The following CHRM3 variants were observed in gnomAD, a reference collection of about 807,000 sequenced individuals.
The protein encoded by CHRM3 is muscarinic acetylcholine receptor M3.
CHRM3 carries 11 observed loss-of-function variants against 41.8 expected under a neutral mutation model. The ratio of observed to expected loss-of-function variants is 0.26; its 90% CI spans 0.17 to 0.44. The LOEUF (loss-of-function observed/expected upper bound fraction) is 0.44. Ranked by LOEUF, CHRM3 falls within the 20% of genes least tolerant of loss-of-function variation. The pLI is 1.00. For synonymous variants in CHRM3, 297 were observed against 301.4 expected (o/e 0.99, Z 0.15); for missense variants, 571 against 745.4 (o/e 0.77, Z 2.72).
chr1:239,764,096 A>AG, intron 5 of CHRM3, among the ~76,000 whole-genome samples: 1 of 152,158 alleles, frequency 6.6e-6, no homozygotes, highest in East Asian at 1.9e-4. Flanking sequence ...AAAAAAAAAA[A>AG]AAAATCCTCA....
intron 1 of CHRM3, among the ~76,000 whole-genome samples, chr1:239,491,079 T>C (rs778272337): frequency 7.9e-5 from 12 of 152,160 alleles, no homozygotes; most frequent in Non-Finnish European, 1.5e-4. Flanking sequence ...TAATTATACA[T>C]ATTAGTGGGA....
chr1:239,580,013 C>A (rs1415908189), intron 3 of CHRM3, among the ~76,000 whole-genome samples: 1 of 152,076 alleles, frequency 6.6e-6, no homozygotes, highest in Non-Finnish European at 1.5e-5. Context: ...AACCACTATG[C>A]CAGACTGCCT....
chr1:239,533,371 A>G (rs1001919543), intron 2 of CHRM3, among the ~76,000 whole-genome samples: 1 of 152,094 alleles, frequency 6.6e-6, no homozygotes, highest in African/African-American at 2.4e-5. Flanking sequence ...CAATCATGGC[A>G]GAAGGTGAAG....
At chr1:239,583,165 G>A (rs1663064673) in intron 3 of CHRM3, among the ~76,000 whole-genome samples, 1 of 152,156 alleles carries the variant, frequency 6.6e-6, no homozygotes, top group African/African-American at 2.4e-5. Flanking sequence ...AATTCTGTGT[G>A]GGCTGTGTGG....
intron 5 of CHRM3, among the ~76,000 whole-genome samples, chr1:239,754,439 C>T (rs1212124210): frequency 1.3e-5 from 2 of 152,166 alleles, no homozygotes; most frequent in Non-Finnish European, 2.9e-5. Context: ...CAGTACCATC[C>T]TTCCAGGAGG....
intron 3 of CHRM3, among the ~76,000 whole-genome samples, chr1:239,630,462 C>T (rs1022077090): frequency 6.6e-6 from 1 of 152,112 alleles, no homozygotes; most frequent in Admixed American, 6.6e-5. Context: ...TGAGTACTTG[C>T]CCTTTGACCC....
chr1:239,826,000 A>G (rs1180796499), intron 5 of CHRM3, among the ~76,000 whole-genome samples: 2 of 152,250 alleles, frequency 1.3e-5, no homozygotes, highest in Non-Finnish European at 2.9e-5. Flanking sequence ...AGGAACATAG[A>G]GTTCCTGGGG....
At chr1:239,788,627 G>A (rs746291935) in intron 5 of CHRM3, among the ~76,000 whole-genome samples, 17 of 152,010 alleles carry the variant, frequency 1.1e-4, no homozygotes, top group Admixed American at 5.2e-4. Context: ...TTAGCCAGGC[G>A]TGGTGGTAGA....
intron 4 of CHRM3, among the ~76,000 whole-genome samples, chr1:239,643,899 T>A (rs1671486177): frequency 6.6e-6 from 1 of 152,236 alleles, no homozygotes; most frequent in African/African-American, 2.4e-5. Context: ...CTGTTCCTAT[T>A]CGGCCATCTT....
intron 3 of CHRM3, among the ~76,000 whole-genome samples, chr1:239,613,144 C>T (rs1255545822): frequency 2.0e-5 from 3 of 152,158 alleles, no homozygotes. Flanking sequence ...GCTCTCCCAG[C>T]ACTTTTAGGA....
intron 1 of CHRM3, among the ~76,000 whole-genome samples, chr1:239,453,666 T>G (rs1664723443): frequency 6.6e-6 from 1 of 152,220 alleles, no homozygotes; most frequent in Non-Finnish European, 1.5e-5. Context: ...TACTAGGCAT[T>G]AATTTTGTAT....
intron 1 of CHRM3, among the ~76,000 whole-genome samples, chr1:239,437,008 A>G (rs72754679): frequency 0.16 from 24,684 of 152,082 alleles, 2,641 homozygotes; most frequent in Non-Finnish European, 0.22. Context: ...GTATCTCACC[A>G]TATCTCACAC....
chr1:239,716,519 C>A (rs969575751), intron 5 of CHRM3, among the ~76,000 whole-genome samples: 3 of 152,202 alleles, frequency 2.0e-5, no homozygotes, highest in South Asian at 4.1e-4. Flanking sequence ...TGTACCAAAG[C>A]CTTTGTTAAA....
intron 2 of CHRM3, among the ~76,000 whole-genome samples, chr1:239,539,471 A>G (rs904526353): frequency 1.3e-5 from 2 of 152,050 alleles, no homozygotes; most frequent in Non-Finnish European, 2.9e-5. Flanking sequence ...ACCCTTTTGC[A>G]GCAATTACTT....
chr1:239,883,086 C>T (rs1051614822), intron 6 of CHRM3, among the ~76,000 whole-genome samples: 5 of 152,210 alleles, frequency 3.3e-5, no homozygotes, highest in Admixed American at 6.5e-5. Context: ...TTTCCACCCC[C>T]TCTTGTCTAG....
chr1:239,493,671 C>A (rs902031595), intron 2 of CHRM3, among the ~76,000 whole-genome samples: 1 of 152,080 alleles, frequency 6.6e-6, no homozygotes, highest in African/African-American at 2.4e-5. Context: ...ATTAAAATCC[C>A]CTACTTGGAA....
chr1:239,583,287 C>T (rs889556193), intron 3 of CHRM3, among the ~76,000 whole-genome samples: 10 of 152,076 alleles, frequency 6.6e-5, no homozygotes, highest in African/African-American at 2.4e-4. Context: ...ACAAATGATT[C>T]ATTGAGTGTA....
intron 1 of CHRM3, among the ~76,000 whole-genome samples, chr1:239,478,953 C>T (rs538672465): frequency 1.2e-4 from 18 of 152,128 alleles, no homozygotes; most frequent in East Asian, 3.9e-4. Flanking sequence ...GAGGCTGAGG[C>T]GGGTAGATCA....
chr1:239,881,363 C>T (rs926736466), intron 6 of CHRM3, among the ~76,000 whole-genome samples: 6 of 149,826 alleles, frequency 4.0e-5, no homozygotes, highest in African/African-American at 1.5e-4. Flanking sequence ...CTGCCACCAG[C>T]TGGCCTCACA....
Sources: gnomAD v4.1 joint callset for allele counts (sites outside exome capture counted in the v4.1 genomes callset) on GRCh38, gnomAD v4.1.1 for gene constraint, MANE v1.5 for transcripts, NCBI Gene and HGNC (gene_info 2026-07-23, HGNC 2026-07-21) for gene names.